SPTBN5: variants seen among roughly 807,000 people sequenced by gnomAD.
SPTBN5 encodes spectrin beta, non-erythrocytic 5.
SPTBN5 carries 513 observed loss-of-function variants against 477.6 expected under a neutral mutation model. That is an observed-to-expected ratio of 1.07 (90% CI 1.00 to 1.16). The LOEUF (loss-of-function observed/expected upper bound fraction) is 1.16. Among genes scored for constraint, SPTBN5 ranks in the 50% most tolerant of loss-of-function variants. The probability of loss-of-function intolerance (pLI) is 0.00; values close to 1 mark genes in which losing one functional copy is unlikely to be tolerated. For missense variants in SPTBN5, 5,062 were observed against 4,731.8 expected, an observed-to-expected ratio of 1.07 and a Z score of -2.05; for synonymous variants, 2,169 against 2,011.7, an observed-to-expected ratio of 1.08 and a Z score of -2.09.
In SPTBN5 at chr15:41,854,490, G is replaced by T. The variant is rs529368814; in HGVS notation, c.9619-285C>A. ...TTGGGTCCACGTGAGGGAGCAGGCC[G>T]GTTCTCGGGGATCTGGCTGACCCTG... is the stretch of plus-strand genomic sequence containing the variant. On this transcript the variant is annotated intron_variant, in intron 56 of 67. Transcript: ENST00000320955. Among the ~76,000 whole-genome samples, 5 of 152,124 alleles carry T rather than the reference G, an allele frequency of 3.3e-5. No homozygotes were observed. The East Asian group carries it at 9.6e-4, about 29-fold the overall frequency.
intron 35 of SPTBN5, 22 bp from the exon 36 acceptor site, chr15:41,867,148 G>A: frequency 6.6e-7 from 1 of 1,513,722 alleles, no homozygotes. Context: ...GGGCACAGCT[G>A]CTGCTCTCCC....
chr15:41,852,113 G>A lies in SPTBN5; in HGVS notation c.10584+69C>T, dbSNP rs897645876. The A allele has an allele frequency of 4.0e-6, 6 of 1,507,270 alleles. No homozygotes were observed. The African/African-American group carries it at 7.0e-5, about 18-fold the overall frequency. 93.4% of individuals were successfully genotyped at this position (1,507,270 alleles called of 1,614,324 possible). On this transcript the variant is annotated intron_variant, in intron 62 of 67. Transcript: ENST00000320955. ...CAGGGTGTGGGCCCTCACCCCCACA[G>A]CCCCAGCCCCACTGCATGCTTCAGG...
At position 41,848,205 on chromosome 15, in the gene SPTBN5, G is replaced by T. The variant is rs1282416246; in HGVS notation, c.*411C>A. The T allele has an allele frequency of 3.9e-6, 2 of 508,066 alleles. No individual in the cohort carries two copies. Among genetic ancestry groups the T allele is most frequent in the Non-Finnish European group, 7.1e-6 (2 of 281,062 alleles). 31.5% of individuals were successfully genotyped at this position (508,066 alleles called of 1,614,324 possible). A position where few individuals can be genotyped will look rare whatever the true frequency, so the allele number is the denominator to read the frequency against. On this transcript the variant is annotated 3_prime_UTR_variant, in exon 68 of 68. Transcript: ENST00000320955. ...AAGGGCCATGTCATTCTAGGCTCTT[G>T]GCTGTACATGGCAAGGGCTGGTACA...
chr15:41,869,354 G>A (rs963615641), intron 32 of SPTBN5, among the ~76,000 whole-genome samples: 2 of 152,350 alleles, frequency 1.3e-5, no homozygotes, highest in Admixed American at 6.5e-5. Context: ...CCGTGGCCAG[G>A]ACCTACTGTC....
At chr15:41,853,552 C>G (rs757743523) in intron 58 of SPTBN5, 30 bp downstream of exon 58, 1 of 1,553,418 alleles carries the variant, frequency 6.4e-7, no homozygotes, top group South Asian at 1.2e-5. Context: ...CAGGGTAGAG[C>G]TGAGCCGGCA....
At chr15:41,875,306 C>T (rs1319603368) in intron 22 of SPTBN5, among the ~76,000 whole-genome samples, 152 bp downstream of exon 22, 3 of 152,324 alleles carry the variant, frequency 2.0e-5, no homozygotes, top group East Asian at 1.9e-4. Flanking sequence ...GCCGACTGAG[C>T]GGAAAGCCAC....
At chr15:41,850,144 C>T (rs887229471) in intron 66 of SPTBN5, 185 bp from the exon 67 acceptor site, 15 of 592,476 alleles carry the variant, frequency 2.5e-5, no homozygotes, top group Admixed American at 5.8e-5. Context: ...TTCCCCCATG[C>T]GTCCTGCCTC....
rs1357095323 is a variant in SPTBN5 at position 41,871,429 on chromosome 15, A to T, written c.5393T>A (p.Leu1798Gln). The T allele has an allele frequency of 6.5e-7, 1 of 1,543,998 alleles. No homozygotes were observed. The highest frequency in any genetic ancestry group is 1.2e-5 in the South Asian group (1 of 82,508). ...AACRLLAESL[L>Q]ERGHSAGPMV... ...GGGGCCAGCACTGTGCCCACGCTCT[A>T]GCAGGCTCTCCGCCAGCAGCCGGCA... Residue 1798 changes from leucine (L) to glutamine (Q), a missense_variant, in exon 29 of 68, where the codon CTA becomes CAA. Physicochemically the swap from Leu to Gln is moderately radical, Grantham distance 113. Transcript: ENST00000320955.
intron 32 of SPTBN5, 78 bp downstream of exon 32, chr15:41,869,763 C>A: frequency 7.5e-7 from 1 of 1,341,454 alleles, no homozygotes; most frequent in Non-Finnish European, 9.6e-7. Flanking sequence ...AGCTGGAGGG[C>A]CTCATGCGTG....
At chr15:41,862,949 C>T in intron 41 of SPTBN5, 46 bp from the exon 42 acceptor site, 1 of 1,522,490 alleles carries the variant, frequency 6.6e-7, no homozygotes. Flanking sequence ...TTTGCTTCGG[C>T]TCCTCCTTCC....
rs749318299 is a variant in SPTBN5 at position 41,854,808 on chromosome 15, C to G, written c.9592G>C (p.Asp3198His). 1 of 1,567,472 alleles carries G rather than the reference C, an allele frequency of 6.4e-7. No individual in the cohort carries two copies. Among genetic ancestry groups the G allele is most frequent in the Non-Finnish European group, 8.6e-7 (1 of 1,156,464 alleles). Residue 3198 changes from aspartate to histidine, a missense_variant, in exon 56 of 68, where the codon GAC (aspartate) becomes CAC (histidine). Coordinates refer to ENST00000320955, the MANE Select transcript of SPTBN5 (RefSeq NM_016642.4). ...SRIEAAWERL[D>H]QAIKARTENL... Reference sequence around the variant, plus strand: ...TCTGTGCGGGCTTTTATTGCTTGGTCCAACCTCTCCCAAGCAGCCTCAATG... The same window carrying G: ...TCTGTGCGGGCTTTTATTGCTTGGTGCAACCTCTCCCAAGCAGCCTCAATG...
At chr15:41,850,794 C>T (rs991943339) in intron 66 of SPTBN5, 60 bp downstream of exon 66, 9 of 1,451,092 alleles carry the variant, frequency 6.2e-6, no homozygotes, top group Non-Finnish European at 6.5e-6. Context: ...CACTAGGGGC[C>T]CAGGAGCTTG....
chr15:41,861,174 G>A (rs1454149787), intron 46 of SPTBN5, among the ~76,000 whole-genome samples: 1 of 152,206 alleles, frequency 6.6e-6, no homozygotes, highest in Non-Finnish European at 1.5e-5. Context: ...GGCAAGAATG[G>A]GTCAGGCCCA....
intron 21 of SPTBN5, among the ~76,000 whole-genome samples, chr15:41,875,894 A>G (rs544559660): frequency 1.3e-5 from 2 of 152,162 alleles, no homozygotes; most frequent in Non-Finnish European, 2.9e-5. Flanking sequence ...GGGACTTGCC[A>G]CGGAGAGTTG....
chr15:41,867,512 A>G (rs1448576608), intron 35 of SPTBN5, 26 bp downstream of exon 35: 3 of 1,606,482 alleles, frequency 1.9e-6, no homozygotes, highest in Middle Eastern at 1.7e-4. Context: ...CACTCTGACC[A>G]CGCCCAGGCC....
Position 41,874,491 on chromosome 15 carries a change from G to A in SPTBN5, c.4503-13C>T, listed in dbSNP as rs375664661. On this transcript the variant is annotated splice_polypyrimidine_tract_variant and intron_variant, in intron 23 of 67. Coordinates refer to ENST00000320955, the MANE Select transcript of SPTBN5 (RefSeq NM_016642.4). ...CAGAAGCTCCAGCCTAGGAGGAGGA[G>A]GAAGAGATTGGAGAGGTTGGGAACA... 7 of 1,589,558 alleles carry A rather than the reference G, an allele frequency of 4.4e-6. No homozygotes were observed. The Admixed American group carries it at 5.4e-5, about 12-fold the overall frequency.
chr15:41,874,762 G>T (rs192726560), intron 23 of SPTBN5, 80 bp downstream of exon 23: 1 of 1,412,356 alleles, frequency 7.1e-7, no homozygotes, highest in Non-Finnish European at 9.7e-7. Context: ...TGGACACCCC[G>T]GTCCTGTGGG....
intron 46 of SPTBN5, 120 bp downstream of exon 46, chr15:41,861,299 G>A (rs2066098642): frequency 3.6e-6 from 3 of 833,350 alleles, no homozygotes; most frequent in Non-Finnish European, 6.1e-6. Context: ...GCCCAGGGTG[G>A]GGAGATGGCC....
At position 41,886,351 on chromosome 15, in the gene SPTBN5, G is replaced by A. The variant is rs1438405186; in HGVS notation, c.904C>T (p.Gln302Ter). ...TGGGTCTGCAGCAGCTCTGTCTCCT[G>A]GAGCTGAAGCAGGATCTGGTGGAGG... is the stretch of plus-strand genomic sequence containing the variant. Reference protein sequence around the residue: ...RRLTKILLQLQETELLQTQYE... With the variant: ...RRLTKILLQL Residue 302 changes from glutamine to a stop codon, truncating the protein, a stop_gained, in exon 7 of 68, where the codon CAG becomes TAG. Transcript: ENST00000320955. LOFTEE classifies it high-confidence loss of function. The A allele has an allele frequency of 7.5e-6, 12 of 1,603,390 alleles. No individual in the cohort carries two copies. The highest frequency in any genetic ancestry group is 1.0e-5 in the Non-Finnish European group (12 of 1,174,100).
Sources: gnomAD v4.1 joint callset for allele counts (sites outside exome capture counted in the v4.1 genomes callset) on GRCh38, gnomAD v4.1.1 for gene constraint, MANE v1.5 for transcripts, NCBI Gene and HGNC (gene_info 2026-07-23, HGNC 2026-07-21) for gene names.